INSYN2A: variants seen among roughly 807,000 people sequenced by gnomAD.
The protein encoded by INSYN2A is family with sequence similarity 196 member A.
INSYN2A carries 17 observed loss-of-function variants against 39.4 expected under a neutral mutation model. The ratio of observed to expected loss-of-function variants is 0.43; its 90% confidence interval spans 0.30 to 0.65. The LOEUF (loss-of-function observed/expected upper bound fraction) is 0.65, where lower values mean the gene tolerates loss of function less well. INSYN2A is among the 30% of genes least tolerant of loss of function. INSYN2A has a pLI of 0.14. For synonymous variants in INSYN2A, 255 were observed against 265.7 expected, an observed-to-expected ratio of 0.96 and a Z score of 0.39; for missense variants, 595 against 631.2, an observed-to-expected ratio of 0.94 and a Z score of 0.61.
chr10:127,142,698 C>G (rs149365573), intron 5 of INSYN2A, among the ~76,000 whole-genome samples: 7 of 152,138 alleles, frequency 4.6e-5, no homozygotes, highest in Non-Finnish European at 7.3e-5. Flanking sequence ...GTAGCCCTCT[C>G]GCTGCCTGCA....
At chr10:127,154,823 T>C (rs1327516934) in intron 4 of INSYN2A, among the ~76,000 whole-genome samples, 1 of 152,160 alleles carries the variant, frequency 6.6e-6, no homozygotes, top group African/African-American at 2.4e-5. Context: ...GAAGGTTGTA[T>C]AAACATAAAG....
Position 127,176,085 on chromosome 10 carries a change from C to G in INSYN2A, c.311G>C (p.Gly104Ala), listed in dbSNP as rs2055104745. The G allele has an allele frequency of 6.2e-7, 1 of 1,614,040 alleles. No individual in the cohort carries two copies. The highest frequency in any genetic ancestry group is 1.7e-5 in the Admixed American group (1 of 60,004). ...RSIPNVTKST[G>A]VQTSPDLKKC... ...CTTAAGGTCGGGCGAGGTCTGCACG[C>G]CTGTGCTCTTGGTGACGTTGGGGAT... is the stretch of plus-strand genomic sequence containing the variant. The change falls in exon 4 of 6, where the codon GGC becomes GCC. Residue 104 changes from glycine to alanine, a missense_variant. By Grantham distance (60) the Gly-to-Ala change is moderately conservative (BLOSUM62 0). This residue lies in a region of INSYN2A where 478 missense variants were observed against 467.4 expected (regional missense o/e 1.02). Transcript: ENST00000522781. The surrounding 1 kb of genome is among the most constrained non-coding windows in gnomAD (Gnocchi z 4.4).
chr10:127,163,722 C>A (rs866579614), intron 4 of INSYN2A, among the ~76,000 whole-genome samples: 2 of 151,826 alleles, frequency 1.3e-5, no homozygotes, highest in Non-Finnish European at 2.9e-5. Context: ...CTTCTGCTTC[C>A]GACACCCAGT....
In INSYN2A at chr10:127,175,763, G is replaced by A; in HGVS notation, c.633C>T (p.Asn211=). 6.2e-7 allele frequency: 1 copy of A among 1,614,144 alleles called. No homozygotes were observed. Among genetic ancestry groups the A allele is most frequent in the East Asian group, 2.2e-5 (1 of 44,856 alleles). ...PLSYGEAALQ[N]STRPPSEEPD... Reference sequence around the variant, plus strand: ...GCTCTTCGGATGGAGGCCGAGTGGAGTTTTGGAGCGCAGCTTCTCCATAGC... The same window carrying A: ...GCTCTTCGGATGGAGGCCGAGTGGAATTTTGGAGCGCAGCTTCTCCATAGC... The change falls in exon 4 of 6, where the codon AAC becomes AAT. Residue 211 remains asparagine, a synonymous_variant. Coordinates refer to ENST00000522781, the MANE Select transcript of INSYN2A (RefSeq NM_001039762.3). The surrounding 1 kb of genome is among the most constrained non-coding windows in gnomAD (Gnocchi z 6.3).
chr10:127,156,015 TC>T (rs975398993), intron 4 of INSYN2A, among the ~76,000 whole-genome samples: 4 of 152,182 alleles, frequency 2.6e-5, no homozygotes, highest in African/African-American at 9.6e-5. Flanking sequence ...GCTAGTCATA[TC>T]CAAATTTTAG....
chr10:127,196,345 G>C lies in INSYN2A; in HGVS notation c.-743C>G, dbSNP rs1327514819. On this transcript the variant is annotated 5_prime_UTR_variant, in exon 1 of 6. Transcript: ENST00000522781. ...CGCGCTCGCTTGCTCGCGACGCGGC[G>C]GAGCCAGCCACAGCCACCCGGCTTC... Among the ~76,000 whole-genome samples the C allele has an allele frequency of 6.7e-6, 1 of 148,722 alleles. No individual in the cohort carries two copies. Among genetic ancestry groups the C allele is most frequent in the Non-Finnish European group, 1.5e-5 (1 of 66,774 alleles).
intron 2 of INSYN2A, among the ~76,000 whole-genome samples, chr10:127,191,101 A>C (rs1396565501): frequency 1.3e-5 from 2 of 152,082 alleles, no homozygotes; most frequent in Non-Finnish European, 2.9e-5. Flanking sequence ...TGTAGCCCTG[A>C]GCACCCTACC....
At chr10:127,146,618 C>G (rs528040963) in intron 5 of INSYN2A, among the ~76,000 whole-genome samples, 1 of 152,280 alleles carries the variant, frequency 6.6e-6, no homozygotes, top group Admixed American at 6.5e-5. Flanking sequence ...TCTTCCTACC[C>G]TGTCACTCAC....
intron 4 of INSYN2A, among the ~76,000 whole-genome samples, chr10:127,155,978 G>C (rs551468247): frequency 6.6e-6 from 1 of 152,322 alleles, no homozygotes; most frequent in East Asian, 1.9e-4. Context: ...GCAGTCAGGA[G>C]AAAGTACCTA....
Position 127,137,785 on chromosome 10 carries a change from T to C in INSYN2A, c.*52A>G. 1 of 1,522,504 alleles carries C rather than the reference T, an allele frequency of 6.6e-7. No individual in the cohort carries two copies. The highest frequency in any genetic ancestry group is 8.9e-7 in the Non-Finnish European group (1 of 1,123,952). The allele number at this position is 1,522,504 out of a possible 1,614,324, so 94.3% of individuals were successfully genotyped here. A position where few individuals can be genotyped will look rare whatever the true frequency, so the allele number is the denominator to read the frequency against. ...TATTCATTTTGGAAAAGTATTGACT[T>C]AAACTCCAGTGGGTTCTAAAGACGG... On this transcript the variant is annotated 3_prime_UTR_variant, in exon 6 of 6. Transcript: ENST00000522781.
chr10:127,176,018 G>A lies in INSYN2A; in HGVS notation c.378C>T (p.Asn126=), dbSNP rs367902185. 4 of 1,614,142 alleles carry A rather than the reference G, an allele frequency of 2.5e-6. No individual in the cohort carries two copies. Among genetic ancestry groups the A allele is most frequent in the South Asian group, 2.2e-5 (2 of 91,074 alleles). ...QTFPLDRKKG[N]LKSLPAADPF... Reference sequence around the variant, plus strand: ...GATCTGCAGCTGGGAGGCTTTTGAGGTTCCCCTTTTTGCGGTCCAGAGGGA... The same window carrying A: ...GATCTGCAGCTGGGAGGCTTTTGAGATTCCCCTTTTTGCGGTCCAGAGGGA... Residue 126 remains asparagine, a synonymous_variant, in exon 4 of 6, where the codon AAC becomes AAT. Coordinates refer to ENST00000522781, the MANE Select transcript of INSYN2A (RefSeq NM_001039762.3). This position sits in a 1 kb window ranked among gnomAD's most constrained non-coding sequence, Gnocchi z 4.4.
intron 2 of INSYN2A, among the ~76,000 whole-genome samples, chr10:127,190,584 A>G (rs933441560): frequency 6.6e-6 from 1 of 150,422 alleles, no homozygotes; most frequent in African/African-American, 2.4e-5. Flanking sequence ...TCTAGGACGT[A>G]AGAGATAATG....
intron 2 of INSYN2A, among the ~76,000 whole-genome samples, chr10:127,186,508 CCCCCCCG>C (rs1185453608): frequency 0.32 from 4,767 of 14,964 alleles, 1,537 homozygotes; most frequent in Non-Finnish European, 0.59. Context: ...GGAGAAACCG[CCCCCCCG>C]CCCCCCCCCG....
chr10:127,151,104 C>G (rs2052441735), intron 5 of INSYN2A, among the ~76,000 whole-genome samples: 1 of 152,214 alleles, frequency 6.6e-6, no homozygotes, highest in Admixed American at 6.5e-5. Flanking sequence ...CCTTTATCAT[C>G]TCTTCCTGCA....
At chr10:127,179,695 A>G (rs912687899) in intron 2 of INSYN2A, among the ~76,000 whole-genome samples, 1 of 152,192 alleles carries the variant, frequency 6.6e-6, no homozygotes, top group South Asian at 2.1e-4. Flanking sequence ...TTGTTATGAA[A>G]GGAAATGGGG....
rs968748667 is a variant in INSYN2A, at chr10:127,136,946, T to C, written c.*891A>G. ...AAACACTGTCTGCCATGGCACAGAA[T>C]GCCTGTGATTTATTGGTGGGTGGAT... On this transcript the variant is annotated 3_prime_UTR_variant, in exon 6 of 6. Coordinates refer to ENST00000522781, the MANE Select transcript of INSYN2A (RefSeq NM_001039762.3). The C allele has an allele frequency of 6.6e-6, 1 of 152,622 alleles. No individual in the cohort carries two copies. Among genetic ancestry groups the C allele is most frequent in the Non-Finnish European group, 1.5e-5 (1 of 68,032 alleles). The allele number at this position is 152,622 out of a possible 1,614,324, so 9.5% of individuals were successfully genotyped here. A position where few individuals can be genotyped will look rare whatever the true frequency, so the allele number is the denominator to read the frequency against.
At chr10:127,160,165 C>T (rs183277926) in intron 4 of INSYN2A, among the ~76,000 whole-genome samples, 1 of 151,506 alleles carries the variant, frequency 6.6e-6, no homozygotes, top group East Asian at 1.9e-4. Flanking sequence ...TCTCACTGTG[C>T]TGTCATTAGA....
At chr10:127,164,429 C>T (rs1304623293) in intron 4 of INSYN2A, among the ~76,000 whole-genome samples, 3 of 151,978 alleles carry the variant, frequency 2.0e-5, no homozygotes, top group Non-Finnish European at 4.4e-5. Context: ...GTGATCCACC[C>T]GCCTCGGCCT....
intron 5 of INSYN2A, among the ~76,000 whole-genome samples, chr10:127,147,808 G>A (rs2052040348): frequency 6.6e-6 from 1 of 151,718 alleles, no homozygotes; most frequent in Non-Finnish European, 1.5e-5. Context: ...CGAGGCGGGT[G>A]GATCATGAGG....
Sources: allele counts gnomAD v4.1 joint callset (sites outside exome capture counted in the v4.1 genomes callset), GRCh38; gene constraint gnomAD v4.1.1; regional missense constraint gnomAD v4.1.1; non-coding constraint Gnocchi (gnomAD v3.1); transcripts MANE v1.5; gene names NCBI Gene and HGNC (gene_info 2026-07-23, HGNC 2026-07-21).